Variants in C16orf96 observed in about 807,000 individuals in gnomAD.
The protein encoded by C16orf96 is chromosome 16 open reading frame 96, also known as uncharacterized protein C16orf96.
A neutral mutation model predicts 103.6 loss-of-function variants in C16orf96; 108 were observed. That is an observed-to-expected ratio of 1.04 (90% CI 0.89 to 1.22). The LOEUF (loss-of-function observed/expected upper bound fraction) is 1.22. C16orf96 is among the 50% of genes most tolerant of loss of function. C16orf96 has a pLI of 0.00. For synonymous variants in C16orf96, 566 were observed against 593.5 expected (o/e 0.95, Z 0.67); for missense variants, 1,586 against 1,464.2 (o/e 1.08, Z -1.36).
In C16orf96 at chr16:4,594,730, T is replaced by C; in HGVS notation, c.3054T>C (p.Asp1018=). The C allele has an allele frequency of 6.4e-7, 1 of 1,551,238 alleles. No individual in the cohort carries two copies. The highest frequency in any genetic ancestry group is 8.7e-7 in the Non-Finnish European group (1 of 1,146,916). ...CCGAGGTGGACATCCTGGGCGTGGA[T>C]GGGATCCTGTACAAAGGCCGCGTGA... ...DSAEVDILGV[D]GILYKGRVNS... is the part of the protein sequence containing the mutation. Residue 1018 remains aspartate, a synonymous_variant, in exon 14 of 16, where the codon GAT becomes GAC. Transcript: ENST00000444310.
intron 1 of C16orf96, among the ~76,000 whole-genome samples, chr16:4,567,823 G>A (rs1434193192): frequency 6.8e-6 from 1 of 147,554 alleles, no homozygotes; most frequent in African/African-American, 2.5e-5. Flanking sequence ...TCAGCCTCCC[G>A]AGTAGCTGGG....
rs563714705 is a variant in C16orf96, at chr16:4,579,877, C to G, written c.2242-138C>G. The G allele has an allele frequency of 2.6e-4, 170 of 658,336 alleles. No individual in the cohort carries two copies. The African/African-American group carries it at 2.8e-3, about 11-fold the overall frequency. 40.8% of individuals were successfully genotyped at this position (658,336 alleles called of 1,614,324 possible). On this transcript the variant is annotated intron_variant, in intron 6 of 15. Coordinates refer to ENST00000444310, the MANE Select transcript of C16orf96 (RefSeq NM_001145011.2). ...CTACCCATCTTGGCCTCCCAAAGTG[C>G]TGGGATTACAGGCATGAGCCACCAC...
intron 1 of C16orf96, among the ~76,000 whole-genome samples, chr16:4,566,706 G>T (rs1567440952): frequency 1.3e-5 from 2 of 151,824 alleles, no homozygotes; most frequent in Non-Finnish European, 2.9e-5. Context: ...CTTGTTTTAG[G>T]TTTACTCGGA....
intron 1 of C16orf96, among the ~76,000 whole-genome samples, chr16:4,562,485 CT>C (rs2059343220): frequency 6.7e-6 from 1 of 150,020 alleles, no homozygotes; most frequent in Admixed American, 6.7e-5. Context: ...AGAGAAAAGC[CT>C]TTTGAGAAGA....
At chr16:4,596,133 T>A (rs970459228) in intron 14 of C16orf96, among the ~76,000 whole-genome samples, 8 of 152,022 alleles carry the variant, frequency 5.3e-5, no homozygotes, top group African/African-American at 1.9e-4. Flanking sequence ...CGAGACAAAT[T>A]ACCACAAGCA....
chr16:4,571,364 T>C (rs1345013732), intron 1 of C16orf96, among the ~76,000 whole-genome samples, 197 bp from the exon 2 acceptor site: 1 of 152,160 alleles, frequency 6.6e-6, no homozygotes, highest in African/African-American at 2.4e-5. Context: ...GTTGCCTCCT[T>C]CTCATCCAGG....
Position 4,580,007 on chromosome 16 carries a change from C to G in C16orf96, c.2242-8C>G, listed in dbSNP as rs1004128261. 26 of 1,550,084 alleles carry G rather than the reference C, an allele frequency of 1.7e-5. No homozygotes were observed. Among genetic ancestry groups the G allele is most frequent in the Middle Eastern group, 3.3e-4 (2 of 6,010 alleles). On this transcript the variant is annotated splice_region_variant and splice_polypyrimidine_tract_variant and intron_variant, in intron 6 of 15. Transcript: ENST00000444310. Reference sequence around the variant, plus strand: ...GAGGCCTGGGGTGTCTGTGTCTCCCCCTTTTAGGAGGAAGAACTTGAGAGA... The same window carrying G: ...GAGGCCTGGGGTGTCTGTGTCTCCCGCTTTTAGGAGGAAGAACTTGAGAGA...
chr16:4,591,713 C>T lies in C16orf96; in HGVS notation c.2640C>T (p.Val880=). The stretch of plus-strand genomic sequence containing the variant: ...CCTTGAAGAAAGAAATGGAAGAGGT[C>T]TGGAAAATCGTCCGGAAGCTGCTGA... ...LDPLKKEMEE[V]WKIVRKLLIE... is the part of the protein sequence containing the mutation. The change falls in exon 10 of 16, where the codon GTC becomes GTT. Residue 880 remains valine, a synonymous_variant. Coordinates refer to ENST00000444310, the MANE Select transcript of C16orf96 (RefSeq NM_001145011.2). 6.4e-7 allele frequency: 1 copy of T among 1,551,646 alleles called. No homozygotes were observed. The highest frequency in any genetic ancestry group is 1.4e-5 in the African/African-American group (1 of 73,146).
Position 4,556,929 on chromosome 16 carries a change from A to G in C16orf96, c.420+20A>G, listed in dbSNP as rs1410703703. On this transcript the variant is annotated intron_variant, in intron 1 of 15. Transcript: ENST00000444310. The stretch of plus-strand genomic sequence containing the variant: ...GCCAAGGTACGCCCCCAGCCTCCAG[A>G]CACTTCTTTTCCTCCCTTCACCACT... The G allele has an allele frequency of 6.6e-7, 1 of 1,520,676 alleles. No individual in the cohort carries two copies. The highest frequency in any genetic ancestry group is 2.1e-5 in the Admixed American group (1 of 46,946). The allele number at this position is 1,520,676 out of a possible 1,614,324, so 94.2% of individuals were successfully genotyped here. A position where few individuals can be genotyped will look rare whatever the true frequency, so the allele number is the denominator to read the frequency against.
rs752234400 is a variant in C16orf96, at chr16:4,575,285, G to A, written c.805G>A (p.Glu269Lys). The A allele has an allele frequency of 5.6e-5, 87 of 1,550,692 alleles. No individual in the cohort carries two copies. Among genetic ancestry groups the A allele is most frequent in the South Asian group, 1.4e-4 (12 of 84,064 alleles). The change falls in exon 5 of 16, where the codon GAG becomes AAG. Residue 269 changes from glutamate (E) to lysine (K), a missense_variant. Coordinates refer to ENST00000444310, the MANE Select transcript of C16orf96 (RefSeq NM_001145011.2). ...LEATRAIQVSEPVQNPQLLQT... is the reference protein window; with the variant it reads ...LEATRAIQVSKPVQNPQLLQT... ...AGCTACTCGTGCCATCCAGGTCTCC[G>A]AGCCCGTCCAAAACCCCCAGCTACT...
rs1471145925 is a variant in C16orf96, at chr16:4,576,067, C to T, written c.1587C>T (p.Pro529=). 1 of 1,551,136 alleles carries T rather than the reference C, an allele frequency of 6.4e-7. No individual in the cohort carries two copies. The highest frequency in any genetic ancestry group is 1.4e-5 in the African/African-American group (1 of 72,884). Residue 529 remains proline, a synonymous_variant, in exon 5 of 16, where the codon CCC becomes CCT. Coordinates refer to ENST00000444310, the MANE Select transcript of C16orf96 (RefSeq NM_001145011.2). The part of the protein sequence containing the change: ...PKDRAHKDDV[P]KDRGGKDGDP... ...ATAGAGCTCACAAGGATGATGTCCC[C>T]AAAGATAGAGGTGGCAAAGATGGGG...
At chr16:4,588,065 A>T in intron 8 of C16orf96, 102 bp from the exon 9 acceptor site, 1 of 1,211,790 alleles carries the variant, frequency 8.3e-7, no homozygotes, top group Non-Finnish European at 1.1e-6. Context: ...AAAAGTCCAG[A>T]GTCCCAAACT....
chr16:4,583,391 A>C (rs1043885353), intron 7 of C16orf96, among the ~76,000 whole-genome samples: 1 of 152,166 alleles, frequency 6.6e-6, no homozygotes, highest in Non-Finnish European at 1.5e-5. Context: ...CTATAGTCCC[A>C]GCTACCAGGG....
chr16:4,551,629 T>C (rs2059228441), upstream of C16orf96, among the ~76,000 whole-genome samples: 1 of 140,136 alleles, frequency 7.1e-6, no homozygotes, highest in Non-Finnish European at 1.5e-5. Context: ...TTTTTTGTAT[T>C]TTTTTAGTAG....
At chr16:4,564,440 C>T (rs1404656660) in intron 1 of C16orf96, among the ~76,000 whole-genome samples, 1 of 152,114 alleles carries the variant, frequency 6.6e-6, no homozygotes, top group Non-Finnish European at 1.5e-5. Flanking sequence ...TTCTAAACAC[C>T]CTCCCCATTT....
At chr16:4,583,111 G>T (rs1329182338) in intron 7 of C16orf96, among the ~76,000 whole-genome samples, 2 of 152,160 alleles carry the variant, frequency 1.3e-5, no homozygotes, top group African/African-American at 2.4e-5. Flanking sequence ...GGTTGCGGGT[G>T]CCTGTAATCC....
intron 3 of C16orf96, 28 bp downstream of exon 3, chr16:4,574,817 C>A: frequency 1.3e-6 from 2 of 1,549,450 alleles, no homozygotes; most frequent in Non-Finnish European, 1.7e-6. Flanking sequence ...TGTCTTCCCC[C>A]ACTCCCCCTG....
intron 1 of C16orf96, among the ~76,000 whole-genome samples, chr16:4,559,231 C>G (rs938347592): frequency 2.6e-5 from 4 of 151,872 alleles, no homozygotes; most frequent in Non-Finnish European, 5.9e-5. Flanking sequence ...CCCAAGTTAC[C>G]ACTCTTCTCT....
Position 4,599,366 on chromosome 16 carries a change from T to C in C16orf96, c.3208+2T>C. 6.4e-7 allele frequency: 1 copy of C among 1,551,140 alleles called. No homozygotes were observed. Among genetic ancestry groups the C allele is most frequent in the Non-Finnish European group, 8.7e-7 (1 of 1,146,488 alleles). On this transcript the variant is annotated splice_donor_variant, in intron 15 of 15. Coordinates refer to ENST00000444310, the MANE Select transcript of C16orf96 (RefSeq NM_001145011.2). LOFTEE classifies it high-confidence loss of function. ...CCCTATTTGGCGCCATCTGCCCCCG[T>C]GAGTACCTGGTTCCCAGCCCCAGCC...
Sources: allele counts gnomAD v4.1 joint callset (sites outside exome capture counted in the v4.1 genomes callset), GRCh38; gene constraint gnomAD v4.1.1; transcripts MANE v1.5; gene names NCBI Gene and HGNC (gene_info 2026-07-23, HGNC 2026-07-21).